Variants in NRXN1 observed in about 807,000 individuals in gnomAD.
NRXN1 encodes neurexin-1.
Under a neutral mutation model 150.9 loss-of-function variants are expected in NRXN1, and 39 were observed. The observed-to-expected ratio is 0.26, with a 90% CI of 0.20 to 0.34. The LOEUF is 0.34. Ranked by LOEUF, NRXN1 falls within the 10% of genes least tolerant of loss-of-function variation. NRXN1 has a pLI of 1.00. For synonymous variants in NRXN1, 924 were observed against 757.0 expected, an observed-to-expected ratio of 1.22 and a Z score of -3.62; for missense variants, 1,815 against 1,949.9, an observed-to-expected ratio of 0.93 and a Z score of 1.30.
chr2:50,775,847 T>C (rs906106532), intron 5 of NRXN1, among the ~76,000 whole-genome samples: 9 of 152,170 alleles, frequency 5.9e-5, no homozygotes, highest in Non-Finnish European at 8.8e-5. Context: ...TAAATGTCTC[T>C]CAGTTTATCC....
intron 5 of NRXN1, among the ~76,000 whole-genome samples, chr2:50,816,144 T>G (rs1559302986): frequency 6.6e-6 from 1 of 152,188 alleles, no homozygotes; most frequent in Non-Finnish European, 1.5e-5. Context: ...CCTATGGTTT[T>G]CTCTTAATGT....
At chr2:50,967,307 G>T (rs1459658111) in intron 2 of NRXN1, among the ~76,000 whole-genome samples, 1 of 151,724 alleles carries the variant, frequency 6.6e-6, no homozygotes, top group Non-Finnish European at 1.5e-5. Context: ...ATTTATCTAA[G>T]ACTCATTTAA....
intron 17 of NRXN1, among the ~76,000 whole-genome samples, chr2:50,258,466 G>A (rs926433513): frequency 6.6e-6 from 1 of 151,982 alleles, no homozygotes. Context: ...TCAGTCACAT[G>A]TCCAGGCTTC....
At chr2:50,996,988 A>G (rs1558851) in intron 2 of NRXN1, among the ~76,000 whole-genome samples, 31,670 of 151,918 alleles carry the variant, frequency 0.21, 4,317 homozygotes, top group East Asian at 0.4. Context: ...AAGGAGAAAT[A>G]TGAGTCAATG....
chr2:50,213,908 C>T (rs1187463837), intron 18 of NRXN1, among the ~76,000 whole-genome samples: 2 of 151,932 alleles, frequency 1.3e-5, no homozygotes, highest in Non-Finnish European at 2.9e-5. Flanking sequence ...TCACCACATC[C>T]ATCTTTCTAA....
chr2:50,598,669 T>A (rs1675681265), intron 8 of NRXN1, among the ~76,000 whole-genome samples: 1 of 147,674 alleles, frequency 6.8e-6, no homozygotes, highest in South Asian at 2.1e-4. Flanking sequence ...TATATATTCA[T>A]ATATATGTGT....
At chr2:50,523,706 G>C (rs2092860752) in intron 12 of NRXN1, among the ~76,000 whole-genome samples, 1 of 152,110 alleles carries the variant, frequency 6.6e-6, no homozygotes, top group Admixed American at 6.6e-5. Context: ...ATCCATCAAA[G>C]TACATTTTTC....
At chr2:50,853,043 T>C (rs1051880259) in intron 5 of NRXN1, among the ~76,000 whole-genome samples, 1 of 152,162 alleles carries the variant, frequency 6.6e-6, no homozygotes, top group Non-Finnish European at 1.5e-5. Flanking sequence ...CTTAATTCAC[T>C]CTCAGTGTCC....
chr2:50,523,184 C>T (rs896233146), intron 12 of NRXN1, among the ~76,000 whole-genome samples: 1 of 151,826 alleles, frequency 6.6e-6, no homozygotes, highest in African/African-American at 2.4e-5. Flanking sequence ...TATAAACTTT[C>T]TTTTCATTCC....
chr2:50,333,249 C>T (rs2076948101), intron 17 of NRXN1, among the ~76,000 whole-genome samples: 2 of 152,200 alleles, frequency 1.3e-5, no homozygotes, highest in Admixed American at 1.3e-4. Context: ...AGTCCCAGCT[C>T]TGCCAGTTAC....
chr2:50,111,979 T>G (rs960431744), intron 18 of NRXN1, among the ~76,000 whole-genome samples: 1 of 152,076 alleles, frequency 6.6e-6, no homozygotes, highest in Admixed American at 6.5e-5. Flanking sequence ...GTGTAATATG[T>G]TTCTTAATTA....
intron 21 of NRXN1, chr2:49,973,061 T>A (rs1678232224): frequency 6.6e-6 from 1 of 152,162 alleles, no homozygotes; most frequent in Non-Finnish European, 1.5e-5. Flanking sequence ...GAATAAGGAC[T>A]AGCTAGGAGG....
intron 5 of NRXN1, among the ~76,000 whole-genome samples, chr2:50,628,321 T>C (rs1681559825): frequency 6.6e-6 from 1 of 151,800 alleles, no homozygotes; most frequent in Non-Finnish European, 1.5e-5. Flanking sequence ...TCTTTTGTAT[T>C]GTTTAATTCC....
At chr2:50,069,847 G>GTTTTTTT (rs1244777512) in intron 19 of NRXN1, among the ~76,000 whole-genome samples, 4 of 63,820 alleles carry the variant, frequency 6.3e-5, no homozygotes, top group Non-Finnish European at 1.1e-4. Context: ...GATTTTGGGG[G>GTTTTTTT]TTTTTTTTTT....
intron 5 of NRXN1, among the ~76,000 whole-genome samples, chr2:50,914,009 T>A (rs1684879128): frequency 6.6e-6 from 1 of 151,762 alleles, no homozygotes; most frequent in Admixed American, 6.6e-5. Context: ...ACCCTTTAGC[T>A]CTCACTCTCT....
chr2:50,149,528 A>G (rs1006739864), intron 18 of NRXN1, among the ~76,000 whole-genome samples: 2 of 151,670 alleles, frequency 1.3e-5, no homozygotes, highest in African/African-American at 2.4e-5. Context: ...GCCATAAGTG[A>G]CACCCTCAGC....
At chr2:50,566,456 T>C (rs1669868259) in intron 8 of NRXN1, among the ~76,000 whole-genome samples, 2 of 150,310 alleles carry the variant, frequency 1.3e-5, no homozygotes, top group South Asian at 4.2e-4. Context: ...GGTTTCGCTA[T>C]GTTGGCCAGG....
chr2:50,354,928 G>A (rs1444956037), intron 17 of NRXN1, among the ~76,000 whole-genome samples: 1 of 151,808 alleles, frequency 6.6e-6, no homozygotes, highest in Non-Finnish European at 1.5e-5. Flanking sequence ...AGATTGTTGA[G>A]AACAACTAGA....
intron 5 of NRXN1, among the ~76,000 whole-genome samples, chr2:50,855,659 G>T (rs780978973): frequency 9.2e-5 from 14 of 151,900 alleles, no homozygotes; most frequent in Non-Finnish European, 1.5e-4. Context: ...ATTAGGAAAA[G>T]AACTTCTTGG....
Sources: gnomAD v4.1 joint callset for allele counts (sites outside exome capture counted in the v4.1 genomes callset) on GRCh38, gnomAD v4.1.1 for gene constraint, MANE v1.5 for transcripts, NCBI Gene and HGNC (gene_info 2026-07-23, HGNC 2026-07-21) for gene names.